The following DLC1 variants were observed in gnomAD, a reference collection of about 807,000 sequenced individuals.
DLC1 encodes the protein DLC1 Rho GTPase activating protein, also known as rho GTPase-activating protein 7.
A neutral mutation model predicts 140.3 loss-of-function variants in DLC1; 54 were observed. The observed-to-expected ratio is 0.38, with a 90% confidence interval of 0.31 to 0.48. The LOEUF is 0.48. Ranked by LOEUF, DLC1 falls within the 20% of genes least tolerant of loss-of-function variation. DLC1 has a pLI of 0.96. For missense variants in DLC1, 2,536 were observed against 1,907.0 expected (o/e 1.33, Z -6.14); for synonymous variants, 986 against 728.1 (o/e 1.35, Z -5.70).
chr8:13,250,665 T>G, intron 5 of DLC1, among the ~76,000 whole-genome samples: 1 of 152,146 alleles, frequency 6.6e-6, no homozygotes, highest in Non-Finnish European at 1.5e-5. Flanking sequence ...TGCATTGCTG[T>G]GTAAGTCTAC....
chr8:13,279,589 G>A (rs765378398), intron 5 of DLC1, among the ~76,000 whole-genome samples: 46 of 152,162 alleles, frequency 3.0e-4, no homozygotes, highest in Admixed American at 1.4e-3. Context: ...ATAGGCCAAC[G>A]TAGAGCTGAC....
intron 4 of DLC1, among the ~76,000 whole-genome samples, chr8:13,347,848 G>A (rs1311083534): frequency 6.6e-6 from 1 of 152,150 alleles, no homozygotes; most frequent in Non-Finnish European, 1.5e-5. Flanking sequence ...TCCTGGCTTT[G>A]TGAGTCCAAG....
chr8:13,497,430 ATCAGGCAATG>A (rs980845190), intron 2 of DLC1, among the ~76,000 whole-genome samples: 8 of 152,226 alleles, frequency 5.3e-5, no homozygotes, highest in African/African-American at 1.9e-4. Flanking sequence ...TAAATATTCC[ATCAGGCAATG>A]TCACAACACT....
At chr8:13,517,689 C>T (rs1298576423), upstream of DLC1, among the ~76,000 whole-genome samples, 3 of 152,158 alleles carry the variant, frequency 2.0e-5, no homozygotes, top group African/African-American at 7.2e-5. Flanking sequence ...AAATGTTTGA[C>T]TGTTACTCTG....
At chr8:13,493,397 T>A (rs947272165) in intron 2 of DLC1, among the ~76,000 whole-genome samples, 1 of 152,180 alleles carries the variant, frequency 6.6e-6, no homozygotes, top group Non-Finnish European at 1.5e-5. Context: ...CTTGTTTTAA[T>A]TTATCTTTTT....
intron 2 of DLC1, among the ~76,000 whole-genome samples, chr8:13,487,757 G>C (rs187830216): frequency 1.3e-5 from 2 of 151,934 alleles, no homozygotes; most frequent in African/African-American, 4.8e-5. Context: ...ATTTTTAGTA[G>C]AGACAGAGTT....
At chr8:13,320,311 G>T (rs554554485) in intron 4 of DLC1, among the ~76,000 whole-genome samples, 1 of 152,220 alleles carries the variant, frequency 6.6e-6, no homozygotes, top group African/African-American at 2.4e-5. Context: ...TATGAAATGG[G>T]TTAAAAACTT....
chr8:13,581,087 A>G (rs1805079212), intron 1 of DLC1, among the ~76,000 whole-genome samples: 1 of 152,226 alleles, frequency 6.6e-6, no homozygotes, highest in African/African-American at 2.4e-5. Context: ...AGACTCTATT[A>G]CAAAGTATTT....
chr8:13,474,812 T>A (rs1438454115), intron 2 of DLC1, among the ~76,000 whole-genome samples: 1 of 152,188 alleles, frequency 6.6e-6, no homozygotes, highest in Non-Finnish European at 1.5e-5. Flanking sequence ...TTTCTCCCAT[T>A]TGGAATGGCA....
chr8:13,088,593 G>A lies in DLC1; in HGVS notation c.4186C>T (p.Leu1396=), dbSNP rs758710156. ...ATTTCGATCACTTTTGAATCCAACA[G>A]GTCTACATCCCAGAGGTGCTGTTCT... The part of the protein sequence containing the change: ...LKEQHLWDVD[L]LDSKVIEILD... The change falls in exon 16 of 18, where the codon CTG becomes TTG. Residue 1396 remains leucine, a synonymous_variant. Transcript: ENST00000276297. 6.2e-7 allele frequency: 1 copy of A among 1,613,992 alleles called. No homozygotes were observed. Among genetic ancestry groups the A allele is most frequent in the Non-Finnish European group, 8.5e-7 (1 of 1,180,042 alleles).
chr8:13,385,290 A>G (rs1252259944), intron 4 of DLC1, among the ~76,000 whole-genome samples: 2 of 152,222 alleles, frequency 1.3e-5, no homozygotes, highest in Non-Finnish European at 2.9e-5. Flanking sequence ...ACACAGATAA[A>G]GCAATCTACA....
At chr8:13,216,104 A>T (rs1243414431) in intron 5 of DLC1, among the ~76,000 whole-genome samples, 1 of 152,192 alleles carries the variant, frequency 6.6e-6, no homozygotes, top group Non-Finnish European at 1.5e-5. Flanking sequence ...CCTGTTCCAG[A>T]TGGTCTCATC....
At chr8:13,166,603 A>G (rs1476155494) in intron 5 of DLC1, among the ~76,000 whole-genome samples, 2 of 152,168 alleles carry the variant, frequency 1.3e-5, no homozygotes, top group African/African-American at 2.4e-5. Flanking sequence ...AAAGTGCTGG[A>G]ATTAGAGGCA....
chr8:13,180,447 CTG>C (rs1236569958), intron 5 of DLC1, among the ~76,000 whole-genome samples: 1 of 152,048 alleles, frequency 6.6e-6, no homozygotes. Flanking sequence ...AAGCCAGACA[CTG>C]TGAAAAATCA....
At chr8:13,556,424 C>T (rs1008650727) in intron 1 of DLC1, among the ~76,000 whole-genome samples, 2 of 152,190 alleles carry the variant, frequency 1.3e-5, no homozygotes, top group South Asian at 2.1e-4. Flanking sequence ...TGGGATTCAT[C>T]TGGCCACTGG....
chr8:13,583,247 T>G (rs759178547), intron 1 of DLC1, among the ~76,000 whole-genome samples: 6 of 152,198 alleles, frequency 3.9e-5, no homozygotes, highest in Non-Finnish European at 8.8e-5. Flanking sequence ...TTGGAGTCAA[T>G]TCTCTCAAAC....
chr8:13,097,486 A>T (rs1818602101), intron 10 of DLC1, among the ~76,000 whole-genome samples: 1 of 151,706 alleles, frequency 6.6e-6, no homozygotes, highest in Non-Finnish European at 1.5e-5. Flanking sequence ...CTGGTCTCAA[A>T]CTCCTGGCGT....
chr8:13,512,700 T>A (rs1388928799), intron 1 of DLC1, among the ~76,000 whole-genome samples: 1 of 152,116 alleles, frequency 6.6e-6, no homozygotes, highest in African/African-American at 2.4e-5. Context: ...AAGTCATTGG[T>A]TGGGACAGTT....
intron 1 of DLC1, among the ~76,000 whole-genome samples, chr8:13,504,717 G>A (rs762854137): frequency 6.6e-6 from 1 of 152,244 alleles, no homozygotes; most frequent in Non-Finnish European, 1.5e-5. Context: ...AGGCAAATAC[G>A]ACTTCAAAAT....
Sources: allele counts gnomAD v4.1 joint callset (sites outside exome capture counted in the v4.1 genomes callset), GRCh38; gene constraint gnomAD v4.1.1; transcripts MANE v1.5; gene names NCBI Gene and HGNC (gene_info 2026-07-23, HGNC 2026-07-21).